RPS6KA2: variants seen among roughly 807,000 people sequenced by gnomAD.
The protein encoded by RPS6KA2 is ribosomal protein S6 kinase A2, also known as ribosomal protein S6 kinase alpha-2.
Under a neutral mutation model 91.8 loss-of-function variants are expected in RPS6KA2, and 42 were observed. That is an observed-to-expected ratio of 0.46 (90% CI 0.36 to 0.59). RPS6KA2 has a LOEUF of 0.59. Among genes scored for constraint, RPS6KA2 ranks in the 20% least tolerant of loss-of-function variants. The probability of loss-of-function intolerance (pLI) is 0.00; values close to 1 mark genes in which losing one functional copy is unlikely to be tolerated. For missense variants in RPS6KA2, 798 were observed against 978.5 expected (o/e 0.82, Z 2.46); for synonymous variants, 414 against 393.6 (o/e 1.05, Z -0.61).
At position 166,626,981 on chromosome 6, in the gene RPS6KA2, G is replaced by C. The variant is rs776053456; in HGVS notation, c.39C>G (p.Phe13Leu). ...ACTTCCTGCGCAGGTACACAGAGAA[G>C]AACCTGCGCACGGCGAACTTCTTCA... ...LSMKKFAVRR[F>L]FSVYLRRKSR... The change falls in exon 1 of 21, where the codon TTC becomes TTG. Residue 13 changes from phenylalanine to leucine, a missense_variant. By Grantham distance (22) the Phe-to-Leu change is conservative. Coordinates refer to ENST00000265678, the MANE Select transcript of RPS6KA2 (RefSeq NM_021135.6). This position sits in a 1 kb window ranked among gnomAD's most constrained non-coding sequence, Gnocchi z 4.1. 2 of 1,556,842 alleles carry C rather than the reference G, an allele frequency of 1.3e-6. No homozygotes were observed. Among genetic ancestry groups the C allele is most frequent in the Non-Finnish European group, 1.7e-6 (2 of 1,150,530 alleles).
At position 166,550,818 on chromosome 6, in the gene RPS6KA2, C is replaced by T. The variant is rs374207489; in HGVS notation, c.100-12034G>A. Among the ~76,000 whole-genome samples, 1,060 of 151,888 alleles carry T rather than the reference C, an allele frequency of 7.0e-3. 7 individuals are homozygous for T. Among genetic ancestry groups the T allele is most frequent in the South Asian group, 0.026 (126 of 4,792 alleles). On this transcript the variant is annotated intron_variant, in intron 1 of 20. Coordinates refer to ENST00000265678, the MANE Select transcript of RPS6KA2 (RefSeq NM_021135.6). ...GAGATCGACACCATCCTGGCTAACACGGTGAAACCCCGTCTCTACTAAAAT... is the reference window on the plus strand; with the variant it reads ...GAGATCGACACCATCCTGGCTAACATGGTGAAACCCCGTCTCTACTAAAAT...
At chr6:166,686,682 C>T (rs1002128485) in intron 2 of RPS6KA2, among the ~76,000 whole-genome samples, 2 of 152,208 alleles carry the variant, frequency 1.3e-5, no homozygotes, top group Admixed American at 1.3e-4. Context: ...CCTTGCTCCC[C>T]GGCTGAGCTG....
chr6:166,683,808 G>C (rs1788914292), intron 2 of RPS6KA2, among the ~76,000 whole-genome samples: 2 of 152,238 alleles, frequency 1.3e-5, no homozygotes, highest in African/African-American at 4.8e-5. Flanking sequence ...GGTGGGTGAG[G>C]CTGGGACAGC....
chr6:166,466,898 C>CCTTACTCATTCACTTCCTCA (rs149393454), intron 11 of RPS6KA2, among the ~76,000 whole-genome samples: 1 of 150,198 alleles, frequency 6.7e-6, no homozygotes, highest in Non-Finnish European at 1.5e-5. Context: ...TCACTCACTC[C>CCTTACTCATTCACTTCCTCA]CTCATTCACT....
intron 10 of RPS6KA2, among the ~76,000 whole-genome samples, chr6:166,481,724 T>C (rs773251042): frequency 6.6e-6 from 1 of 151,834 alleles, no homozygotes; most frequent in Admixed American, 6.6e-5. Flanking sequence ...TCTGATAAGA[T>C]GGTAGACTGT....
At chr6:166,586,632 A>G (rs1485989441) in intron 1 of RPS6KA2, among the ~76,000 whole-genome samples, 1 of 124,586 alleles carries the variant, frequency 8.0e-6, no homozygotes, top group Admixed American at 7.1e-5. Flanking sequence ...ACACCGTGGA[A>G]CTCCAGACCA....
Position 166,417,649 on chromosome 6 carries a change from A to ACG in RPS6KA2, c.1938+575_1938+576insCG, listed in dbSNP as rs1554269902. On this transcript the variant is annotated intron_variant, in intron 19 of 20. Transcript: ENST00000265678. Reference sequence around the variant, plus strand: ...CACACACACACACACACACACACACACACGCACGCATGTTCTGTTTGTTTC... The same window carrying ACG: ...CACACACACACACACACACACACACACGCACGCACGCATGTTCTGTTTGTTTC... 7.5e-3 allele frequency among the ~76,000 whole-genome samples: 1,107 copies of ACG among 147,984 alleles called. 15 individuals carry two copies. The highest frequency in any genetic ancestry group is 0.026 in the African/African-American group (1,034 of 39,096).
chr6:166,470,784 C>T (rs1232683744), intron 10 of RPS6KA2, among the ~76,000 whole-genome samples: 3 of 152,112 alleles, frequency 2.0e-5, no homozygotes, highest in East Asian at 1.9e-4. Flanking sequence ...AGTGAGGGGC[C>T]GTGGAATCTT....
intron 2 of RPS6KA2, among the ~76,000 whole-genome samples, chr6:166,684,425 G>A (rs572338804): frequency 1.3e-5 from 2 of 152,318 alleles, no homozygotes; most frequent in East Asian, 3.9e-4. Context: ...AGGTAACTCT[G>A]CTCTGCAGGA....
chr6:166,792,784 G>T (rs1451696882), intron 2 of RPS6KA2, among the ~76,000 whole-genome samples: 4 of 152,100 alleles, frequency 2.6e-5, no homozygotes, highest in African/African-American at 2.4e-5. Flanking sequence ...TGCAGAAAAG[G>T]CCTTTGACAA....
At chr6:166,416,824 C>T (rs762408742) in intron 19 of RPS6KA2, among the ~76,000 whole-genome samples, 46 of 152,152 alleles carry the variant, frequency 3.0e-4, no homozygotes, top group Non-Finnish European at 5.3e-4. Context: ...CCTCCATCAT[C>T]GCTGTCGCCA....
At chr6:166,702,856 T>G (rs972601921) in intron 2 of RPS6KA2, 1 of 949,670 alleles carries the variant, frequency 1.1e-6, no homozygotes, top group Non-Finnish European at 1.7e-6. Context: ...GAATGGTTGT[T>G]TAAAAAAAAT....
Position 166,825,060 on chromosome 6 carries a change from T to C in RPS6KA2, c.123+33140A>G, listed in dbSNP as rs1780019414. 6.6e-6 allele frequency among the ~76,000 whole-genome samples: 1 copy of C among 152,248 alleles called. No homozygotes were observed. The stretch of plus-strand genomic sequence containing the variant: ...TCTTCTGCCTCCACCCACACAGCAG[T>C]GCTGCAGAGCGCTGTTCTTCCACGA... On this transcript the variant is annotated intron_variant, in intron 2 of 21. Transcript: ENST00000503859. The surrounding 1 kb of genome is among the most constrained non-coding windows in gnomAD (Gnocchi z 4.1).
intron 2 of RPS6KA2, among the ~76,000 whole-genome samples, chr6:166,814,148 A>G (rs563171713): frequency 6.6e-6 from 1 of 152,338 alleles, no homozygotes; most frequent in Non-Finnish European, 1.5e-5. Flanking sequence ...GGATGATCTC[A>G]TTAGGATACC....
Position 166,550,829 on chromosome 6 carries a change from C to T in RPS6KA2, c.100-12045G>A, listed in dbSNP as rs536404054. 7.8e-4 allele frequency among the ~76,000 whole-genome samples: 119 copies of T among 151,848 alleles called. No homozygotes were observed. In the East Asian group the frequency reaches 0.011, roughly 14 times the overall value. On this transcript the variant is annotated intron_variant, in intron 1 of 20. Transcript: ENST00000265678. The stretch of plus-strand genomic sequence containing the variant: ...CATCCTGGCTAACACGGTGAAACCC[C>T]GTCTCTACTAAAATACAAAAAATTA...
intron 2 of RPS6KA2, among the ~76,000 whole-genome samples, chr6:166,752,888 C>T (rs542269979): frequency 6.6e-6 from 1 of 152,034 alleles, no homozygotes; most frequent in South Asian, 2.1e-4. Context: ...TGTGTTAAGC[C>T]TTGTATACTC....
chr6:166,630,802 C>A (rs1787051735), upstream of RPS6KA2, among the ~76,000 whole-genome samples: 1 of 152,218 alleles, frequency 6.6e-6, no homozygotes, highest in Non-Finnish European at 1.5e-5. Flanking sequence ...GGCTGTGGAT[C>A]CCCGTGTACT....
intron 2 of RPS6KA2, among the ~76,000 whole-genome samples, chr6:166,637,865 C>G (rs992674053): frequency 2.0e-5 from 3 of 152,260 alleles, no homozygotes; most frequent in African/African-American, 7.2e-5. Flanking sequence ...ACAGAGCCCA[C>G]TCCCCAAAGT....
Position 166,754,913 on chromosome 6 carries a change from G to A in RPS6KA2, c.123+103287C>T, listed in dbSNP as rs139457167. The stretch of plus-strand genomic sequence containing the variant: ...TGCCCTGTCGCTCACTCGTCACAGG[G>A]TGAACTTGGGTCAGGAATCTCAACT... On this transcript the variant is annotated intron_variant, in intron 2 of 21. Transcript: ENST00000503859. 8.3e-4 allele frequency among the ~76,000 whole-genome samples: 126 copies of A among 152,274 alleles called. 2 individuals are homozygous for A. The East Asian group carries it at 0.022, about 27-fold the overall frequency.
Sources: allele counts gnomAD v4.1 joint callset (sites outside exome capture counted in the v4.1 genomes callset), GRCh38; gene constraint gnomAD v4.1.1; non-coding constraint Gnocchi (gnomAD v3.1); transcripts MANE v1.5; gene names NCBI Gene and HGNC (gene_info 2026-07-23, HGNC 2026-07-21).